The following ARSK variants were observed in gnomAD, a reference collection of about 807,000 sequenced individuals.
The protein encoded by ARSK is arylsulfatase K.
A neutral mutation model predicts 53.2 loss-of-function variants in ARSK; 37 were observed. That is an observed-to-expected ratio of 0.70 (90% CI 0.54 to 0.92). The LOEUF is 0.92. Ranked by LOEUF, ARSK falls within the 40% of genes least tolerant of loss-of-function variation. The pLI is 0.00. For synonymous variants in ARSK, 208 were observed against 223.2 expected (o/e 0.93, Z 0.61); for missense variants, 613 against 643.0 (o/e 0.95, Z 0.51).
At chr5:95,583,262 C>T (rs1185053751) in intron 4 of ARSK, 64 bp downstream of exon 4, 3 of 1,319,966 alleles carry the variant, frequency 2.3e-6, no homozygotes, top group African/African-American at 1.5e-5. Context: ...GGTATTTGCT[C>T]ATTGTTTCTT....
At chr5:95,575,202 A>AG (rs1485443630) in intron 3 of ARSK, among the ~76,000 whole-genome samples, 1 of 152,074 alleles carries the variant, frequency 6.6e-6, no homozygotes, top group Non-Finnish European at 1.5e-5. Flanking sequence ...CATTGGTCTT[A>AG]CGTGTCTGTT....
chr5:95,594,472 T>A (rs1749269250), intron 6 of ARSK, among the ~76,000 whole-genome samples: 2 of 152,156 alleles, frequency 1.3e-5, no homozygotes, highest in Admixed American at 6.5e-5. Flanking sequence ...CATAAAAATA[T>A]TAAAACAGAA....
rs112284960 is a variant in ARSK, at chr5:95,595,365, C to A, written c.1096+3740C>A. ...CCAAAAAATACATAAATCATTCTAC[C>A]AAAAAGACATGCACTTGCAGCACTA... On this transcript the variant is annotated intron_variant, in intron 6 of 7. Transcript: ENST00000380009. Among the ~76,000 whole-genome samples, 725 of 152,210 alleles carry A rather than the reference C, an allele frequency of 4.8e-3. 3 individuals are homozygous for A. The highest frequency in any genetic ancestry group is 0.016 in the African/African-American group (679 of 41,514).
In ARSK at chr5:95,600,889, C is replaced by CA. The variant is rs746472902; in HGVS notation, c.1139_1140insA (p.Leu381PhefsTer10). On this transcript the variant is annotated frameshift_variant, in exon 7 of 8. Coordinates refer to ENST00000380009, the MANE Select transcript of ARSK (RefSeq NM_198150.3). LOFTEE classifies it high-confidence loss of function. ...CTGCCTCAGAACCTGAGTGGATACTCTTTGTTGCCGTTATCATCAGAAACA... is the reference window on the plus strand; with the variant it reads ...CTGCCTCAGAACCTGAGTGGATACTCATTTGTTGCCGTTATCATCAGAAACA... 6.2e-7 allele frequency: 1 copy of CA among 1,614,094 alleles called. No individual in the cohort carries two copies. The highest frequency in any genetic ancestry group is 1.1e-5 in the South Asian group (1 of 91,080).
intron 6 of ARSK, among the ~76,000 whole-genome samples, chr5:95,598,613 C>T (rs1056526601): frequency 6.6e-6 from 1 of 152,116 alleles, no homozygotes; most frequent in Non-Finnish European, 1.5e-5. Flanking sequence ...TTCACCATTC[C>T]GTTGTTAGTG....
At chr5:95,559,652 T>A (rs1021908865) in intron 1 of ARSK, among the ~76,000 whole-genome samples, 5 of 152,152 alleles carry the variant, frequency 3.3e-5, no homozygotes, top group Admixed American at 2.6e-4. Context: ...AAAAAGCATT[T>A]GAGAAGATTT....
chr5:95,574,927 T>C (rs1748899498), intron 3 of ARSK, among the ~76,000 whole-genome samples: 1 of 152,208 alleles, frequency 6.6e-6, no homozygotes, highest in Non-Finnish European at 1.5e-5. Flanking sequence ...TCCAGTCCAG[T>C]GTCCTAGAGA....
chr5:95,603,148 A>C, intron 7 of ARSK, 89 bp from the exon 8 acceptor site: 2 of 1,054,924 alleles, frequency 1.9e-6, no homozygotes, highest in South Asian at 2.1e-5. Context: ...TCTAAAAAAA[A>C]AATCTAATAC....
rs1749042652 is a variant in ARSK, at chr5:95,582,943, T to A, written c.444T>A (p.Asp148Glu). Residue 148 changes from aspartate (D) to glutamate (E), a missense_variant, in exon 4 of 8, where the codon GAT (aspartate) becomes GAA (glutamate). By Grantham distance (45) the Asp-to-Glu change is conservative. Coordinates refer to ENST00000380009, the MANE Select transcript of ARSK (RefSeq NM_198150.3). The part of the protein sequence containing the change: ...ISNRVEAWTR[D>E]VAFLLRQEGR... ...ATCGTGTGGAAGCGTGGACAAGAGATGTTGCTTTCTTACTCAGACAAGAAG... is the reference window on the plus strand; with the variant it reads ...ATCGTGTGGAAGCGTGGACAAGAGAAGTTGCTTTCTTACTCAGACAAGAAG... 1 of 1,611,110 alleles carries A rather than the reference T, an allele frequency of 6.2e-7. No homozygotes were observed. The highest frequency in any genetic ancestry group is 1.3e-5 in the African/African-American group (1 of 74,996).
intron 7 of ARSK, among the ~76,000 whole-genome samples, chr5:95,602,760 C>T (rs1749424712): frequency 6.6e-6 from 1 of 152,036 alleles, no homozygotes; most frequent in South Asian, 2.1e-4. Flanking sequence ...ATGTAACTTT[C>T]AAAACTCCAA....
intron 1 of ARSK, among the ~76,000 whole-genome samples, chr5:95,564,941 G>A (rs1459841564): frequency 6.6e-6 from 1 of 151,684 alleles, no homozygotes; most frequent in Non-Finnish European, 1.5e-5. Context: ...GTTTTATTTC[G>A]CCAAGATAGA....
Position 95,603,337 on chromosome 5 carries a change from TA to T in ARSK, c.1425del (p.Val476PhefsTer20). On this transcript the variant is annotated frameshift_variant, in exon 8 of 8. Transcript: ENST00000380009. LOFTEE classifies it high-confidence loss of function. Reference sequence around the variant, plus strand: ...AGCTTCATTCCATTATAAACTACCCTAAAGTTTCTGCTTCTGTCCACCAGTA... The same window carrying T: ...AGCTTCATTCCATTATAAACTACCCTAAGTTTCTGCTTCTGTCCACCAGTA... ...QKLHSIINYP[K>X]VSASVHQYNK... 6.2e-7 allele frequency: 1 copy of T among 1,612,736 alleles called. No homozygotes were observed. The highest frequency in any genetic ancestry group is 8.5e-7 in the Non-Finnish European group (1 of 1,179,278).
chr5:95,603,643 C>T lies in ARSK; in HGVS notation c.*117C>T, dbSNP rs1283072865. 2 of 922,448 alleles carry T rather than the reference C, an allele frequency of 2.2e-6. No homozygotes were observed. The highest frequency in any genetic ancestry group is 3.4e-5 in the African/African-American group (2 of 58,808). 57.1% of individuals were successfully genotyped at this position (922,448 alleles called of 1,614,324 possible). A position where few individuals can be genotyped will look rare whatever the true frequency, so the allele number is the denominator to read the frequency against. On this transcript the variant is annotated 3_prime_UTR_variant, in exon 8 of 8. Transcript: ENST00000380009. ...ACCAAGTTTTGGCCGGGCACAGTGG[C>T]TCACACCTGTAATCCCAGGACTTTG... is the stretch of plus-strand genomic sequence containing the variant.
At chr5:95,596,044 T>TGAG (rs1749302750) in intron 6 of ARSK, among the ~76,000 whole-genome samples, 1 of 152,174 alleles carries the variant, frequency 6.6e-6, no homozygotes, top group Non-Finnish European at 1.5e-5. Flanking sequence ...AGGCAGAAAC[T>TGAG]GAGGCTACTC....
At chr5:95,602,011 C>T (rs1029513568) in intron 7 of ARSK, among the ~76,000 whole-genome samples, 2 of 151,920 alleles carry the variant, frequency 1.3e-5, no homozygotes, top group African/African-American at 4.8e-5. Context: ...AGTAGGTGCC[C>T]CATAATCAAA....
intron 1 of ARSK, among the ~76,000 whole-genome samples, chr5:95,564,296 C>A (rs142764827): frequency 6.6e-6 from 1 of 151,980 alleles, no homozygotes; most frequent in Non-Finnish European, 1.5e-5. Flanking sequence ...CTTTTGTCTT[C>A]GCCTTTCTAG....
Position 95,601,089 on chromosome 5 carries a change from T to G in ARSK, c.1321+18T>G, listed in dbSNP as rs1314527996. On this transcript the variant is annotated intron_variant, in intron 7 of 7. Coordinates refer to ENST00000380009, the MANE Select transcript of ARSK (RefSeq NM_198150.3). The stretch of plus-strand genomic sequence containing the variant: ...ACTCTTTGGTAAGTTTGTTAATATA[T>G]TTTTAAGTGTAATATTATGTGTAAT... 1 of 1,586,786 alleles carries G rather than the reference T, an allele frequency of 6.3e-7. No individual in the cohort carries two copies. Among genetic ancestry groups the G allele is most frequent in the Admixed American group, 1.7e-5 (1 of 59,922 alleles).
Position 95,601,032 on chromosome 5 carries a change from G to C in ARSK, c.1282G>C (p.Ala428Pro). Residue 428 changes from alanine to proline, a missense_variant, in exon 7 of 8, where the codon GCC becomes CCC. Physicochemically the swap from Ala to Pro is conservative, Grantham distance 27. Coordinates refer to ENST00000380009, the MANE Select transcript of ARSK (RefSeq NM_198150.3). Reference protein sequence around the residue: ...MLRTNHWKYIAYSDGASILPQ... With the variant: ...MLRTNHWKYIPYSDGASILPQ... ...TCGAACTAACCACTGGAAATATATA[G>C]CCTATTCGGATGGTGCATCAATATT... 6.2e-7 allele frequency: 1 copy of C among 1,613,974 alleles called. No homozygotes were observed. Among genetic ancestry groups the C allele is most frequent in the Non-Finnish European group, 8.5e-7 (1 of 1,179,890 alleles).
At chr5:95,601,103 A>T in intron 7 of ARSK, 32 bp downstream of exon 7, 2 of 1,556,176 alleles carry the variant, frequency 1.3e-6, no homozygotes, top group Non-Finnish European at 1.8e-6. Context: ...TAAGTGTAAT[A>T]TTATGTGTAA....
Sources: gnomAD v4.1 joint callset for allele counts (sites outside exome capture counted in the v4.1 genomes callset) on GRCh38, gnomAD v4.1.1 for gene constraint, MANE v1.5 for transcripts, NCBI Gene and HGNC (gene_info 2026-07-23, HGNC 2026-07-21) for gene names.